Variants in MTMR7 observed in about 807,000 individuals in gnomAD.
MTMR7 encodes the protein myotubularin related protein 7, also known as phosphatidylinositol-3-phosphate phosphatase MTMR7.
Under a neutral mutation model 81.2 loss-of-function variants are expected in MTMR7, and 76 were observed. The observed-to-expected ratio is 0.94, with a 90% confidence interval of 0.78 to 1.13. The LOEUF (loss-of-function observed/expected upper bound fraction) is 1.13. MTMR7 is among the 50% of genes most tolerant of loss of function. MTMR7 has a pLI of 0.00. For synonymous variants in MTMR7, 372 were observed against 289.8 expected (o/e 1.28, Z -2.88); for missense variants, 1,044 against 820.0 (o/e 1.27, Z -3.34).
intron 7 of MTMR7, among the ~76,000 whole-genome samples, chr8:17,320,743 C>T (rs1818343210): frequency 6.6e-6 from 1 of 152,208 alleles, no homozygotes; most frequent in African/African-American, 2.4e-5. Flanking sequence ...ACCAGACAGG[C>T]CCTCCAAGCA....
rs1821043110 is a variant in MTMR7, at chr8:17,389,568, CTAAG to C, written c.25-16332_25-16329del. On this transcript the variant is annotated intron_variant, in intron 1 of 13. Coordinates refer to ENST00000180173, the MANE Select transcript of MTMR7 (RefSeq NM_004686.5). ...TGTAGCCTGATGCCAAGCACAGATG[CTAAG>C]TATTTGTTCAATGAATGAAAATTAA... 2.6e-5 allele frequency among the ~76,000 whole-genome samples: 4 copies of C among 152,158 alleles called. No homozygotes were observed. In the East Asian group the frequency reaches 5.8e-4, roughly 22 times the overall value.
chr8:17,334,825 G>C (rs1337644952), intron 6 of MTMR7, among the ~76,000 whole-genome samples: 1 of 152,218 alleles, frequency 6.6e-6, no homozygotes, highest in Non-Finnish European at 1.5e-5. Context: ...AGGAAACTCT[G>C]TCGGCCTGGG....
At position 17,371,152 on chromosome 8, in the gene MTMR7, A is replaced by G; in HGVS notation, c.195T>C (p.Ala65=). The stretch of plus-strand genomic sequence containing the variant: ...AGCGAATCAGCAGAGGGCATCCGGT[A>G]GCGGTTGTTGCCTGTTTCTCAATGG... ...ISTIEKQATT[A]TGCPLLIRCK... The change falls in exon 3 of 14, where the codon GCT becomes GCC. Residue 65 remains alanine (A), a synonymous_variant. Transcript: ENST00000180173. 1.2e-6 allele frequency: 2 copies of G among 1,614,234 alleles called. No individual in the cohort carries two copies. Among genetic ancestry groups the G allele is most frequent in the Admixed American group, 1.7e-5 (1 of 60,032 alleles).
intron 5 of MTMR7, among the ~76,000 whole-genome samples, chr8:17,347,830 G>C (rs1300030067): frequency 1.4e-5 from 2 of 145,606 alleles, no homozygotes; most frequent in Non-Finnish European, 2.9e-5. Flanking sequence ...CTGATGAAAG[G>C]GAGGTGTCAC....
chr8:17,347,531 C>T (rs1442878176), intron 5 of MTMR7, among the ~76,000 whole-genome samples: 2 of 152,208 alleles, frequency 1.3e-5, no homozygotes, highest in Non-Finnish European at 2.9e-5. Context: ...GATACACACT[C>T]ACACAATCTC....
chr8:17,348,879 G>A (rs988323588), intron 5 of MTMR7, 74 bp downstream of exon 5: 12 of 1,559,268 alleles, frequency 7.7e-6, no homozygotes, highest in Admixed American at 1.7e-5. Flanking sequence ...CACAGCAGAA[G>A]GCAGCTAGAA....
At chr8:17,302,037 C>G (rs150330489) in intron 13 of MTMR7, 117 bp downstream of exon 13, 14 of 1,372,992 alleles carry the variant, frequency 1.0e-5, no homozygotes, top group Non-Finnish European at 3.0e-6. Context: ...TTCAGGTGTT[C>G]TACTGACTAA....
chr8:17,359,830 G>C (rs1395217133), intron 4 of MTMR7, among the ~76,000 whole-genome samples: 1 of 152,062 alleles, frequency 6.6e-6, no homozygotes, highest in Non-Finnish European at 1.5e-5. Context: ...GAGGGTATAA[G>C]GAATCAAGCA....
At position 17,371,121 on chromosome 8, in the gene MTMR7, T is replaced by C; in HGVS notation, c.226A>G (p.Asn76Asp). 6.2e-7 allele frequency: 1 copy of C among 1,614,244 alleles called. No individual in the cohort carries two copies. The highest frequency in any genetic ancestry group is 1.3e-5 in the African/African-American group (1 of 75,064). ...ATGATGAGCTGTATTATCTGAAAGTTCTTGCAGCGAATCAGCAGAGGGCAT... is the reference window on the plus strand; with the variant it reads ...ATGATGAGCTGTATTATCTGAAAGTCCTTGCAGCGAATCAGCAGAGGGCAT... ...TGCPLLIRCK[N>D]FQIIQLIIPQ... Residue 76 changes from asparagine to aspartate, a missense_variant, in exon 3 of 14, where the codon AAC (asparagine) becomes GAC (aspartate). Coordinates refer to ENST00000180173, the MANE Select transcript of MTMR7 (RefSeq NM_004686.5).
Position 17,297,245 on chromosome 8 carries a change from ATATCT to A in MTMR7, c.*2612_*2616del, listed in dbSNP as rs1816731849. ...GTCATAGGTAGAGATTTAAAGGTTA[ATATCT>A]TAAAATAGAAGAAAATTCTAAATCA... On this transcript the variant is annotated 3_prime_UTR_variant, in exon 14 of 14. Coordinates refer to ENST00000180173, the MANE Select transcript of MTMR7 (RefSeq NM_004686.5). 6.6e-6 allele frequency: 1 copy of A among 152,144 alleles called. No homozygotes were observed. The highest frequency in any genetic ancestry group is 1.5e-5 in the Non-Finnish European group (1 of 67,992). The allele number at this position is 152,144 out of a possible 1,614,324, so 9.4% of individuals were successfully genotyped here. A position where few individuals can be genotyped will look rare whatever the true frequency, so the allele number is the denominator to read the frequency against.
intron 3 of MTMR7, among the ~76,000 whole-genome samples, chr8:17,368,041 A>G (rs1186116080): frequency 1.3e-5 from 2 of 152,124 alleles, no homozygotes; most frequent in Admixed American, 1.3e-4. Context: ...CCTTTTCGGT[A>G]CCAGGGACCA....
intron 1 of MTMR7, among the ~76,000 whole-genome samples, chr8:17,383,792 G>C (rs1272284670): frequency 2.0e-5 from 3 of 151,086 alleles, no homozygotes; most frequent in African/African-American, 7.4e-5. Context: ...TCTCCCGGTG[G>C]TCGAGGGATT....
chr8:17,320,121 A>G (rs1156756699), intron 7 of MTMR7, among the ~76,000 whole-genome samples: 4 of 151,868 alleles, frequency 2.6e-5, no homozygotes, highest in Admixed American at 2.6e-4. Flanking sequence ...CATTATGAAA[A>G]TTAATAATAT....
intron 7 of MTMR7, among the ~76,000 whole-genome samples, chr8:17,317,997 C>T (rs541650309): frequency 1.3e-5 from 2 of 152,012 alleles, no homozygotes; most frequent in Admixed American, 1.3e-4. Flanking sequence ...GGAACAGAAA[C>T]AAGAAATTCC....
At chr8:17,391,247 ACT>A (rs563537373) in intron 1 of MTMR7, among the ~76,000 whole-genome samples, 16 of 152,132 alleles carry the variant, frequency 1.1e-4, no homozygotes, top group African/African-American at 3.9e-4. Context: ...TTTGACTTTC[ACT>A]CTGAGTAGGG....
Position 17,373,170 on chromosome 8 carries a change from G to C in MTMR7, c.95C>G (p.Ala32Gly), listed in dbSNP as rs771594384. ...ATTTTCCACGAATATGACATGGGTA[G>C]CCGTCAAATACAAAGTACCTAGAGC... ...KAALGTLYLT[A>G]THVIFVENSP... The change falls in exon 2 of 14, where the codon GCT becomes GGT. Residue 32 changes from alanine to glycine, a missense_variant. Ala to Gly is a moderately conservative substitution (Grantham distance 60). Coordinates refer to ENST00000180173, the MANE Select transcript of MTMR7 (RefSeq NM_004686.5). 3.1e-6 allele frequency: 5 copies of C among 1,613,792 alleles called. No homozygotes were observed. The highest frequency in any genetic ancestry group is 1.7e-5 in the Admixed American group (1 of 60,018).
rs1820742779 is a variant in MTMR7 at position 17,381,053 on chromosome 8, G to A, written c.25-7813C>T. Among the ~76,000 whole-genome samples, 2 of 152,182 alleles carry A rather than the reference G, an allele frequency of 1.3e-5. 1 individual carries two copies. The highest frequency in any genetic ancestry group is 4.1e-4 in the South Asian group (2 of 4,824). ...CCATTCAAAAAGATGCCTATGTGTG[G>A]CACTGTGTCAGGTTCCGCAAAAAAA... On this transcript the variant is annotated intron_variant, in intron 1 of 13. Coordinates refer to ENST00000180173, the MANE Select transcript of MTMR7 (RefSeq NM_004686.5).
In MTMR7 at chr8:17,331,390, C is replaced by T. The variant is rs547121379; in HGVS notation, c.733-108G>A. 486 of 1,193,852 alleles carry T rather than the reference C, an allele frequency of 4.1e-4. 10 individuals carry two copies. The South Asian group carries it at 7.2e-3, about 18-fold the overall frequency. The allele number at this position is 1,193,852 out of a possible 1,614,324, so 74.0% of individuals were successfully genotyped here. On this transcript the variant is annotated intron_variant, in intron 6 of 13. Coordinates refer to ENST00000180173, the MANE Select transcript of MTMR7 (RefSeq NM_004686.5). ...CAATCAAAGCATTCAGAATGATGTACGGAAACATAATACGCTTATTTGAAT... is the reference window on the plus strand; with the variant it reads ...CAATCAAAGCATTCAGAATGATGTATGGAAACATAATACGCTTATTTGAAT...
chr8:17,349,283 C>A (rs1423825894), intron 4 of MTMR7: 4 of 519,974 alleles, frequency 7.7e-6, no homozygotes, highest in African/African-American at 5.7e-5. Context: ...TCTGAAGGAA[C>A]GCAAGCTACC....
Sources: gnomAD v4.1 joint callset for allele counts (sites outside exome capture counted in the v4.1 genomes callset) on GRCh38, gnomAD v4.1.1 for gene constraint, MANE v1.5 for transcripts, NCBI Gene and HGNC (gene_info 2026-07-23, HGNC 2026-07-21) for gene names.